Variants in CDH3 observed in about 807,000 individuals in gnomAD.
The protein encoded by CDH3 is cadherin-3.
Under a neutral mutation model 82.0 loss-of-function variants are expected in CDH3, and 54 were observed. The observed-to-expected ratio is 0.66, with a 90% CI of 0.53 to 0.83. The LOEUF is 0.83. Ranked by LOEUF, CDH3 falls within the 40% of genes least tolerant of loss-of-function variation. The pLI, the probability that CDH3 is intolerant of heterozygous loss-of-function variation, is 0.00. For synonymous variants in CDH3, 446 were observed against 437.9 expected, an observed-to-expected ratio of 1.02 and a Z score of -0.23; for missense variants, 1,054 against 1,084.6, an observed-to-expected ratio of 0.97 and a Z score of 0.40.
At chr16:68,704,151 G>C (rs906787087), downstream of CDH3, among the ~76,000 whole-genome samples, 1 of 151,550 alleles carries the variant, frequency 6.6e-6, no homozygotes, top group Non-Finnish European at 1.5e-5. Context: ...GCCGGGCGTG[G>C]TGGCGGGCGC....
intron 1 of CDH3, among the ~76,000 whole-genome samples, chr16:68,715,640 G>A (rs560499558): frequency 1.3e-5 from 2 of 152,172 alleles, no homozygotes; most frequent in South Asian, 4.1e-4. Flanking sequence ...TTGGTGCACA[G>A]CATTTTAATA....
intron 13 of CDH3, 50 bp from the exon 14 acceptor site, chr16:68,695,205 G>A: frequency 3.1e-6 from 5 of 1,608,614 alleles, no homozygotes; most frequent in Non-Finnish European, 4.3e-6. Context: ...GGGGGTCTTG[G>A]CCCACTGTGT....
chr16:68,711,170 C>T (rs541379136), intron 1 of CDH3, among the ~76,000 whole-genome samples: 42 of 151,710 alleles, frequency 2.8e-4, no homozygotes, highest in Non-Finnish European at 4.7e-4. Flanking sequence ...ACTAGCCGGG[C>T]ATGGTGACGC....
chr16:68,704,623 G>A (rs1465666871), downstream of CDH3, among the ~76,000 whole-genome samples: 1 of 152,278 alleles, frequency 6.6e-6, no homozygotes, highest in African/African-American at 2.4e-5. Flanking sequence ...AGTGGCACTG[G>A]CTGCCACATG....
rs1487441706 is a variant in CDH3 at position 68,678,142 on chromosome 16, G to T, written c.255G>T (p.Arg85Ser). Residue 85 changes from arginine to serine, a missense_variant, in exon 4 of 16, where the codon AGG (arginine) becomes AGT (serine). Arg to Ser is a moderately radical substitution (Grantham distance 110, BLOSUM62 -1). Coordinates refer to ENST00000264012, the MANE Select transcript of CDH3 (RefSeq NM_001793.6). ...VRNGETVQER[R>S]SLKERNPLKI... is the part of the protein sequence containing the mutation. Reference sequence around the variant, plus strand: ...AGTTTCTCTCCTTGCAGGAAAGAAGGTCACTGAAGGAAAGGAATCCATTGA... The same window carrying T: ...AGTTTCTCTCCTTGCAGGAAAGAAGTTCACTGAAGGAAAGGAATCCATTGA... 6.2e-7 allele frequency: 1 copy of T among 1,613,970 alleles called. No homozygotes were observed. The highest frequency in any genetic ancestry group is 8.5e-7 in the Non-Finnish European group (1 of 1,179,838).
intron 2 of CDH3, among the ~76,000 whole-genome samples, chr16:68,654,386 T>TAA: frequency 6.1e-5 from 1 of 16,344 alleles, no homozygotes; most frequent in African/African-American, 1.7e-4. Context: ...ATTAATTTTT[T>TAA]TTTTTTTTTT....
intron 1 of CDH3, among the ~76,000 whole-genome samples, chr16:68,716,895 CT>C (rs1416223774): frequency 2.3e-3 from 316 of 135,740 alleles, no homozygotes; most frequent in Middle Eastern, 3.8e-3. Flanking sequence ...AGATTTTTTT[CT>C]TTTTTTTTTT....
At chr16:68,726,963 G>A (rs1962226346) in intron 2 of CDH3, among the ~76,000 whole-genome samples, 1 of 152,156 alleles carries the variant, frequency 6.6e-6, no homozygotes, top group Non-Finnish European at 1.5e-5. Flanking sequence ...AGCTCATAAA[G>A]CATTATTTCT....
At chr16:68,690,313 T>C (rs1036008096) in intron 12 of CDH3, among the ~76,000 whole-genome samples, 2 of 152,226 alleles carry the variant, frequency 1.3e-5, no homozygotes, top group African/African-American at 2.4e-5. Flanking sequence ...GTCATGTGCG[T>C]TTAGTTTTAT....
Position 68,695,807 on chromosome 16 carries a change from C to A in CDH3, c.2164C>A (p.Leu722Met). The change falls in exon 15 of 16, where the codon CTG (leucine) becomes ATG (methionine). Residue 722 changes from leucine to methionine, a missense_variant. Coordinates refer to ENST00000264012, the MANE Select transcript of CDH3 (RefSeq NM_001793.6). ...TGACATCACCCAGCTCCACCGAGGT[C>A]TGGAGGCCAGGCCGGAGGTGGTTCT... ...DYDITQLHRG[L>M]EARPEVVLRN... 3.7e-6 allele frequency: 6 copies of A among 1,614,160 alleles called. No homozygotes were observed. Among genetic ancestry groups the A allele is most frequent in the Non-Finnish European group, 5.1e-6 (6 of 1,180,032 alleles).
Position 68,726,303 on chromosome 16 carries a change from C to G in CDH3, c.*46-850C>G, listed in dbSNP as rs150876307. Among the ~76,000 whole-genome samples the G allele has an allele frequency of 1.7e-3, 255 of 152,304 alleles. 1 individual carries two copies. The highest frequency in any genetic ancestry group is 5.8e-3 in the African/African-American group (243 of 41,576). ...GGTTCCAGCCCTGGTCACCTGCTCC[C>G]CTGACCTGTGGCTGTCATGGGAGCT... On this transcript the variant is annotated intron_variant, in intron 2 of 2. Coordinates refer to the CDH3 transcript ENST00000569080.
intron 2 of CDH3, among the ~76,000 whole-genome samples, chr16:68,675,221 T>C (rs998641932): frequency 6.6e-6 from 1 of 152,182 alleles, no homozygotes; most frequent in African/African-American, 2.4e-5. Flanking sequence ...AATCTGAAAC[T>C]AAAAGACAGG....
intron 2 of CDH3, among the ~76,000 whole-genome samples, chr16:68,662,431 T>C (rs1960609152): frequency 6.6e-6 from 1 of 152,128 alleles, no homozygotes; most frequent in African/African-American, 2.4e-5. Flanking sequence ...AAACAGTCAC[T>C]GCTCTCCAGC....
At chr16:68,672,159 C>G (rs1960899178) in intron 2 of CDH3, among the ~76,000 whole-genome samples, 1 of 146,730 alleles carries the variant, frequency 6.8e-6, no homozygotes. Flanking sequence ...CGCCACTGCA[C>G]TCCAGCCTGG....
At chr16:68,660,096 A>T (rs1372737397) in intron 2 of CDH3, among the ~76,000 whole-genome samples, 1 of 152,072 alleles carries the variant, frequency 6.6e-6, no homozygotes, top group Non-Finnish European at 1.5e-5. Flanking sequence ...GATTTTTAGC[A>T]ATCTAACTAT....
intron 1 of CDH3, among the ~76,000 whole-genome samples, chr16:68,706,071 A>G (rs1961959437): frequency 6.6e-6 from 1 of 151,614 alleles, no homozygotes; most frequent in African/African-American, 2.4e-5. Context: ...TCTCAAAAAA[A>G]AAAAAAAAAA....
intron 7 of CDH3, 40 bp from the exon 8 acceptor site, chr16:68,680,928 A>T: frequency 6.2e-7 from 1 of 1,613,150 alleles, no homozygotes; most frequent in Non-Finnish European, 8.5e-7. Context: ...GACCCTTCAG[A>T]TTAAACTCAC....
At chr16:68,664,303 T>C (rs908080855) in intron 2 of CDH3, among the ~76,000 whole-genome samples, 2 of 152,324 alleles carry the variant, frequency 1.3e-5, no homozygotes, top group African/African-American at 4.8e-5. Context: ...TAGACAGATA[T>C]AACTTTTGGT....
intron 1 of CDH3, among the ~76,000 whole-genome samples, chr16:68,712,634 C>A (rs1020149109): frequency 6.6e-6 from 1 of 151,444 alleles, no homozygotes; most frequent in Admixed American, 6.6e-5. Flanking sequence ...TATGGGAGAA[C>A]GGTGGGAGAA....
Sources: allele counts gnomAD v4.1 joint callset (sites outside exome capture counted in the v4.1 genomes callset), GRCh38; gene constraint gnomAD v4.1.1; transcripts MANE v1.5; gene names NCBI Gene and HGNC (gene_info 2026-07-23, HGNC 2026-07-21).